SNX16: variants seen among roughly 807,000 people sequenced by gnomAD.
SNX16 encodes sorting nexin 16, also known as sorting nexin-16.
Under a neutral mutation model 36.7 loss-of-function variants are expected in SNX16, and 35 were observed. The ratio of observed to expected loss-of-function variants is 0.95; its 90% CI spans 0.73 to 1.27. The LOEUF is 1.27. SNX16 is among the 50% of genes most tolerant of loss of function. SNX16 has a pLI of 0.00. For synonymous variants in SNX16, 134 were observed against 132.0 expected (o/e 1.02, Z -0.10); for missense variants, 367 against 393.6 (o/e 0.93, Z 0.57).
chr8:81,822,392 G>T (rs1810787416), intron 4 of SNX16, among the ~76,000 whole-genome samples: 1 of 152,050 alleles, frequency 6.6e-6, no homozygotes, highest in Non-Finnish European at 1.5e-5. Flanking sequence ...GAGAAGGGGA[G>T]GTGGGCAGGA....
intron 4 of SNX16, among the ~76,000 whole-genome samples, chr8:81,821,720 C>G (rs181335562): frequency 6.6e-6 from 1 of 151,608 alleles, no homozygotes; most frequent in African/African-American, 2.4e-5. Flanking sequence ...TTCTAATACA[C>G]AGTATATCAG....
chr8:81,807,772 A>T (rs1585979091), intron 5 of SNX16: 8 of 699,676 alleles, frequency 1.1e-5, no homozygotes, highest in Non-Finnish European at 1.8e-5. Flanking sequence ...CCCTGCTGTC[A>T]TGTCTAAGTC....
intron 2 of SNX16, among the ~76,000 whole-genome samples, chr8:81,835,503 C>T (rs148422952): frequency 4.7e-4 from 71 of 152,268 alleles, no homozygotes; most frequent in African/African-American, 1.6e-3. Context: ...GCTGTGCTTC[C>T]GTTATAAAAC....
intron 5 of SNX16, among the ~76,000 whole-genome samples, chr8:81,807,538 A>AAG (rs1810019928): frequency 6.7e-6 from 1 of 149,538 alleles, no homozygotes; most frequent in African/African-American, 2.5e-5. Flanking sequence ...AAAAAAAAAA[A>AAG]AAAAAAAAAG....
chr8:81,836,202 A>T (rs58064901), intron 2 of SNX16, among the ~76,000 whole-genome samples: 37,712 of 152,042 alleles, frequency 0.25, 5,222 homozygotes, highest in East Asian at 0.37. Context: ...TCTTTAAACA[A>T]CCTTTTTAAA....
chr8:81,839,694 G>A lies in SNX16; in HGVS notation c.293C>T (p.Pro98Leu), dbSNP rs16919654. The change falls in exon 2 of 8, where the codon CCG (proline) becomes CTG (leucine). Residue 98 changes from proline (P) to leucine (L), a missense_variant. By Grantham distance (98) the Pro-to-Leu change is moderately conservative (BLOSUM62 -3). Transcript: ENST00000345957. ...TCTATCTTCCCAATTCACTGTTTCC[G>A]GATTTTGTTCTTCAGTGTCTCTTGG... ...TRPRDTEEQN[P>L]ETVNWEDRPS... 2,935 of 1,613,686 alleles carry A rather than the reference G, an allele frequency of 1.8e-3. 50 individuals carry two copies. In the African/African-American group the frequency reaches 0.034, roughly 19 times the overall value.
chr8:81,816,182 T>TTTTTTTC (rs1554545072), intron 4 of SNX16, among the ~76,000 whole-genome samples: 2 of 79,944 alleles, frequency 2.5e-5, no homozygotes, highest in Admixed American at 1.4e-4. Flanking sequence ...AAGGATTTTC[T>TTTTTTTC]TTTTTTTTTT....
rs1289696538 is a variant in SNX16, at chr8:81,799,849, A to T, written c.*1648T>A. The T allele has an allele frequency of 6.6e-6, 1 of 151,954 alleles. No individual in the cohort carries two copies. Among genetic ancestry groups the T allele is most frequent in the African/African-American group, 2.4e-5 (1 of 41,458 alleles). The allele number at this position is 151,954 out of a possible 1,614,324, so 9.4% of individuals were successfully genotyped here. Reference sequence around the variant, plus strand: ...TATAAGATACAGAATGGTACTGATTAAATGATTGTTCTTTTTAAGCCTTTT... The same window carrying T: ...TATAAGATACAGAATGGTACTGATTTAATGATTGTTCTTTTTAAGCCTTTT... On this transcript the variant is annotated 3_prime_UTR_variant, in exon 8 of 8. Coordinates refer to ENST00000345957, the MANE Select transcript of SNX16 (RefSeq NM_152836.3).
At chr8:81,822,975 T>TATATATATATATATATAC (rs1443392174) in intron 4 of SNX16, among the ~76,000 whole-genome samples, 1 of 146,026 alleles carries the variant, frequency 6.8e-6, no homozygotes, top group Admixed American at 6.9e-5. Flanking sequence ...TATATATATA[T>TATATATATATATATATAC]ACACATATGT....
chr8:81,830,413 C>CA (rs1464739164), intron 2 of SNX16, among the ~76,000 whole-genome samples: 2 of 150,842 alleles, frequency 1.3e-5, no homozygotes, highest in Admixed American at 6.6e-5. Context: ...TACTAAAATA[C>CA]AAAAAAAATT....
chr8:81,837,089 A>C (rs1811524058), intron 2 of SNX16, among the ~76,000 whole-genome samples: 1 of 151,842 alleles, frequency 6.6e-6, no homozygotes, highest in African/African-American at 2.4e-5. Flanking sequence ...TTAAATCCCA[A>C]CCCCAGATTT....
chr8:81,817,580 T>G (rs761737132), intron 4 of SNX16, among the ~76,000 whole-genome samples: 1 of 152,200 alleles, frequency 6.6e-6, no homozygotes, highest in Non-Finnish European at 1.5e-5. Context: ...AGAATAAAAT[T>G]TGAAACTGGC....
intron 5 of SNX16, among the ~76,000 whole-genome samples, chr8:81,805,584 T>A (rs928668754): frequency 1.3e-5 from 2 of 152,182 alleles, no homozygotes; most frequent in African/African-American, 4.8e-5. Flanking sequence ...AGTGGATATA[T>A]AACTAAAGAT....
chr8:81,802,798 CATTTAATAATGATTATTT>C (rs1403278758), intron 6 of SNX16, among the ~76,000 whole-genome samples: 4 of 151,690 alleles, frequency 2.6e-5, no homozygotes, highest in Non-Finnish European at 4.4e-5. Context: ...AATGGTATTC[CATTTAATAATGATTATTT>C]ATTTAATAAT....
chr8:81,818,157 T>C (rs1436127211), intron 4 of SNX16, among the ~76,000 whole-genome samples: 1 of 152,112 alleles, frequency 6.6e-6, no homozygotes, highest in Non-Finnish European at 1.5e-5. Context: ...TATAACTATC[T>C]GTAATTTAAT....
At chr8:81,816,679 C>T (rs1012579484) in intron 4 of SNX16, among the ~76,000 whole-genome samples, 1 of 151,986 alleles carries the variant, frequency 6.6e-6, no homozygotes, top group Non-Finnish European at 1.5e-5. Flanking sequence ...TTAATTTTCA[C>T]GACAATCAGG....
chr8:81,826,602 C>T (rs572554797), intron 3 of SNX16, among the ~76,000 whole-genome samples: 21 of 152,310 alleles, frequency 1.4e-4, no homozygotes, highest in African/African-American at 5.1e-4. Flanking sequence ...AAGCCCTGTG[C>T]ATTCCAGAAT....
intron 3 of SNX16, among the ~76,000 whole-genome samples, chr8:81,826,920 C>G (rs1563448778): frequency 6.6e-6 from 1 of 152,132 alleles, no homozygotes; most frequent in Non-Finnish European, 1.5e-5. Flanking sequence ...ACTCTATCTA[C>G]TCATTTCATA....
At position 81,840,958 on chromosome 8, in the gene SNX16, C is replaced by G. The variant is rs1586030755; in HGVS notation, c.-96-876G>C. On this transcript the variant is annotated intron_variant, in intron 1 of 7. Transcript: ENST00000345957. ...AACAAAATGACAAGACTACACACAA[C>G]AATAACTGCCCAACTTTTCATACGA... 1.4e-5 allele frequency among the ~76,000 whole-genome samples: 2 copies of G among 147,800 alleles called. 1 individual carries two copies. The highest frequency in any genetic ancestry group is 4.4e-4 in the South Asian group (2 of 4,568).
Sources: gnomAD v4.1 joint callset for allele counts (sites outside exome capture counted in the v4.1 genomes callset) on GRCh38, gnomAD v4.1.1 for gene constraint, MANE v1.5 for transcripts, NCBI Gene and HGNC (gene_info 2026-07-23, HGNC 2026-07-21) for gene names.